Variants in CPE observed in about 807,000 individuals in gnomAD.
The protein encoded by CPE is carbocypeptidase E.
Under a neutral mutation model 53.5 loss-of-function variants are expected in CPE, and 17 were observed. That is an observed-to-expected ratio of 0.32 (90% CI 0.22 to 0.48). CPE has a LOEUF of 0.48. Among genes scored for constraint, CPE ranks in the 20% least tolerant of loss-of-function variants. The pLI is 0.99. For synonymous variants in CPE, 226 were observed against 228.8 expected (o/e 0.99, Z 0.11); for missense variants, 524 against 614.7 (o/e 0.85, Z 1.56).
At chr4:165,428,217 T>C (rs1161072913) in intron 1 of CPE, among the ~76,000 whole-genome samples, 1 of 152,128 alleles carries the variant, frequency 6.6e-6, no homozygotes, top group African/African-American at 2.4e-5. Context: ...TTTTAAATGT[T>C]AATTTTTAAA....
chr4:165,474,688 C>A (rs147297558), intron 3 of CPE, among the ~76,000 whole-genome samples: 51 of 152,318 alleles, frequency 3.3e-4, no homozygotes, highest in African/African-American at 1.1e-3. Context: ...TTACTGTATA[C>A]CCCTAACCTT....
rs180830193 is a variant in CPE at position 165,487,615 on chromosome 4, A to G, written c.1113+38A>G. Reference sequence around the variant, plus strand: ...CCCAGCATAAAAATGCAAGGTTTACAAGCATTCAAACCTGTCCTACAATGG... The same window carrying G: ...CCCAGCATAAAAATGCAAGGTTTACGAGCATTCAAACCTGTCCTACAATGG... On this transcript the variant is annotated intron_variant, in intron 6 of 8. Coordinates refer to ENST00000402744, the MANE Select transcript of CPE (RefSeq NM_001873.4). 9.6e-4 allele frequency: 1,549 copies of G among 1,612,124 alleles called. 1 individual carries two copies. The highest frequency in any genetic ancestry group is 1.2e-3 in the Non-Finnish European group (1,450 of 1,179,118).
chr4:165,396,046 C>T (rs10222703), intron 1 of CPE, among the ~76,000 whole-genome samples: 86,919 of 151,824 alleles, frequency 0.57, 26,001 homozygotes, highest in African/African-American at 0.77. Flanking sequence ...TCTTTTTTTT[C>T]CTCCCTCCTC....
chr4:165,423,878 G>A (rs2126675225), intron 1 of CPE, among the ~76,000 whole-genome samples: 1 of 144,404 alleles, frequency 6.9e-6, no homozygotes, highest in Non-Finnish European at 1.5e-5. Context: ...CCACCTATGA[G>A]TGAGAATATG....
chr4:165,379,045 C>G lies in CPE; in HGVS notation c.-177C>G, dbSNP rs1014157674. The G allele has an allele frequency of 2.1e-6, 1 of 487,046 alleles. No individual in the cohort carries two copies. The allele number at this position is 487,046 out of a possible 1,614,324, so 30.2% of individuals were successfully genotyped here. ...CGTGGAGCCGCGGCTTTGCCCGTCT[C>G]CTCTGGGTGGCCCCAGTGCGCGGGC... On this transcript the variant is annotated 5_prime_UTR_variant, in exon 1 of 9. Coordinates refer to ENST00000402744, the MANE Select transcript of CPE (RefSeq NM_001873.4). This position sits in a 1 kb window ranked among gnomAD's most constrained non-coding sequence, Gnocchi z 6.0.
chr4:165,487,875 C>T (rs1275591365), intron 6 of CPE, among the ~76,000 whole-genome samples: 1 of 152,084 alleles, frequency 6.6e-6, no homozygotes, highest in Non-Finnish European at 1.5e-5. Context: ...ACCCTGATCA[C>T]CGTGAGGCAT....
chr4:165,462,499 G>C (rs1352456690), intron 1 of CPE, among the ~76,000 whole-genome samples: 2 of 152,208 alleles, frequency 1.3e-5, no homozygotes, highest in African/African-American at 4.8e-5. Context: ...AACTTGTGAA[G>C]CCAGCTTCTA....
At chr4:165,404,441 T>G in intron 1 of CPE, 1 of 767,782 alleles carries the variant, frequency 1.3e-6, no homozygotes, top group Non-Finnish European at 2.4e-6. Flanking sequence ...ACTCTCCTGA[T>G]AGATGGAAAA....
chr4:165,427,683 C>T lies in CPE; in HGVS notation c.308-36707C>T, dbSNP rs565351679. Among the ~76,000 whole-genome samples the T allele has an allele frequency of 2.0e-5, 3 of 152,262 alleles. No homozygotes were observed. In the South Asian group the frequency reaches 6.2e-4, roughly 32 times the overall value. ...GAACTCCCTGTCTATGATGGTTTAT[C>T]CCCCAAGGCTCTGACGGAAGTATTC... On this transcript the variant is annotated intron_variant, in intron 1 of 8. Coordinates refer to ENST00000402744, the MANE Select transcript of CPE (RefSeq NM_001873.4).
intron 6 of CPE, among the ~76,000 whole-genome samples, chr4:165,492,905 A>T (rs1732631952): frequency 6.6e-6 from 1 of 152,100 alleles, no homozygotes; most frequent in African/African-American, 2.4e-5. Context: ...CCTTAATATG[A>T]CACTTTTTAA....
chr4:165,421,132 A>C (rs1731203918), intron 1 of CPE, among the ~76,000 whole-genome samples: 1 of 152,166 alleles, frequency 6.6e-6, no homozygotes, highest in Non-Finnish European at 1.5e-5. Context: ...GCTCTGCCTG[A>C]TTATTAGTTA....
At chr4:165,483,001 GT>G (rs546229382) in intron 4 of CPE, among the ~76,000 whole-genome samples, 1,585 of 139,578 alleles carry the variant, frequency 0.011, 17 homozygotes, top group African/African-American at 0.034. Flanking sequence ...TGATTAGTTT[GT>G]TTTTTTTTTT....
chr4:165,473,605 T>C (rs1234583684), intron 3 of CPE, among the ~76,000 whole-genome samples: 2 of 152,236 alleles, frequency 1.3e-5, no homozygotes, highest in East Asian at 3.8e-4. Flanking sequence ...TAGGTAACTT[T>C]CCAGAAGAAA....
chr4:165,443,034 C>T (rs1731641766), intron 1 of CPE, among the ~76,000 whole-genome samples: 1 of 152,142 alleles, frequency 6.6e-6, no homozygotes, highest in South Asian at 2.1e-4. Flanking sequence ...TCAATAAACA[C>T]TTGTGTAATG....
intron 6 of CPE, among the ~76,000 whole-genome samples, chr4:165,490,439 C>T (rs1169250213): frequency 6.6e-6 from 1 of 151,970 alleles, no homozygotes; most frequent in African/African-American, 2.4e-5. Context: ...CAAGACCATC[C>T]TGGCTAACAC....
intron 1 of CPE, among the ~76,000 whole-genome samples, chr4:165,408,006 A>G (rs1432407188): frequency 6.6e-6 from 1 of 151,908 alleles, no homozygotes; most frequent in African/African-American, 2.4e-5. Context: ...AAAATGGGCA[A>G]TTTATCTTAT....
chr4:165,426,052 CA>C lies in CPE; in HGVS notation c.308-38336del, dbSNP rs1449988683. On this transcript the variant is annotated intron_variant, in intron 1 of 8. Coordinates refer to ENST00000402744, the MANE Select transcript of CPE (RefSeq NM_001873.4). ...TCTGTTTTGGATTTCAGGGCTCTCA[CA>C]AGCTATGATCAAGAGTCTTCAGCCA... Among the ~76,000 whole-genome samples, 3 of 152,298 alleles carry C rather than the reference CA, an allele frequency of 2.0e-5. No homozygotes were observed. In the East Asian group the frequency reaches 5.8e-4, roughly 29 times the overall value.
In CPE at chr4:165,498,517, A is replaced by C. The variant is rs930656172; in HGVS notation, c.*907A>C. 1.3e-5 allele frequency among the ~76,000 whole-genome samples: 2 copies of C among 152,228 alleles called. No homozygotes were observed. Among genetic ancestry groups the C allele is most frequent in the African/African-American group, 4.8e-5 (2 of 41,464 alleles). ...CAGGCAAAAGGTTCTGATTTTGGGC[A>C]CAACCTTTATATAAATAACACAAAA... On this transcript the variant is annotated 3_prime_UTR_variant, in exon 9 of 9. Coordinates refer to ENST00000402744, the MANE Select transcript of CPE (RefSeq NM_001873.4).
chr4:165,463,156 G>A (rs1182513236), intron 1 of CPE, among the ~76,000 whole-genome samples: 1 of 152,124 alleles, frequency 6.6e-6, no homozygotes, highest in Non-Finnish European at 1.5e-5. Context: ...AGTATTCTGA[G>A]CCCTTCAGCA....
Sources: allele counts gnomAD v4.1 joint callset (sites outside exome capture counted in the v4.1 genomes callset), GRCh38; gene constraint gnomAD v4.1.1; non-coding constraint Gnocchi (gnomAD v3.1); transcripts MANE v1.5; gene names NCBI Gene and HGNC (gene_info 2026-07-23, HGNC 2026-07-21).